The following SLC35F4 variants were observed in gnomAD, a reference collection of about 807,000 sequenced individuals.
The protein encoded by SLC35F4 is chromosome 14 open reading frame 36.
A neutral mutation model predicts 44.2 loss-of-function variants in SLC35F4; 24 were observed. That is an observed-to-expected ratio of 0.54 (90% CI 0.39 to 0.76). SLC35F4 has a LOEUF of 0.76. Ranked by LOEUF, SLC35F4 falls within the 30% of genes least tolerant of loss-of-function variation. SLC35F4 has a pLI of 0.00. For missense variants in SLC35F4, 562 were observed against 586.1 expected, an observed-to-expected ratio of 0.96 and a Z score of 0.42; for synonymous variants, 238 against 223.6, an observed-to-expected ratio of 1.06 and a Z score of -0.57.
chr14:57,696,233 A>G (rs2075380119), intron 1 of SLC35F4, among the ~76,000 whole-genome samples: 1 of 152,220 alleles, frequency 6.6e-6, no homozygotes, highest in African/African-American at 2.4e-5. Flanking sequence ...ACAAATTTAT[A>G]AGAAAAAAAC....
chr14:57,845,211 G>A (rs553133609), intron 1 of SLC35F4, among the ~76,000 whole-genome samples: 1 of 152,170 alleles, frequency 6.6e-6, no homozygotes, highest in Admixed American at 6.5e-5. Context: ...TTGACTGCTT[G>A]TTACTCTCTC....
intron 1 of SLC35F4, among the ~76,000 whole-genome samples, chr14:57,768,672 T>C (rs552044615): frequency 6.6e-6 from 1 of 152,284 alleles, no homozygotes; most frequent in East Asian, 1.9e-4. Flanking sequence ...AAATTATATA[T>C]GGAATGACAG....
intron 1 of SLC35F4, among the ~76,000 whole-genome samples, chr14:57,914,889 C>G (rs942673301): frequency 6.6e-6 from 1 of 152,102 alleles, no homozygotes; most frequent in Non-Finnish European, 1.5e-5. Flanking sequence ...GGCAGCCCTA[C>G]TCCCATGACT....
rs545990854 is a variant in SLC35F4, at chr14:57,577,110, G to A, written c.807+4104C>T. 2.6e-5 allele frequency among the ~76,000 whole-genome samples: 4 copies of A among 152,232 alleles called. No homozygotes were observed. The East Asian group carries it at 7.7e-4, about 29-fold the overall frequency. ...TGCACATGAATAAAGAGGAGCCAAA[G>A]GCAAGATGGAAACAAATTGTCAAGT... On this transcript the variant is annotated intron_variant, in intron 4 of 7. Coordinates refer to ENST00000556826, the MANE Select transcript of SLC35F4 (RefSeq NM_001306087.2).
At chr14:57,706,084 T>C (rs1258103089) in intron 1 of SLC35F4, among the ~76,000 whole-genome samples, 1 of 152,218 alleles carries the variant, frequency 6.6e-6, no homozygotes, top group Non-Finnish European at 1.5e-5. Flanking sequence ...TTCTAGATAA[T>C]TGGATCAATC....
chr14:57,568,992 A>G (rs12100550), intron 6 of SLC35F4, among the ~76,000 whole-genome samples: 40,470 of 152,024 alleles, frequency 0.27, 5,606 homozygotes, highest in Admixed American at 0.36. Context: ...ATCAAGTGAC[A>G]GCAGCACAGC....
chr14:57,765,119 T>C (rs929225353), intron 1 of SLC35F4, among the ~76,000 whole-genome samples: 3 of 152,220 alleles, frequency 2.0e-5, no homozygotes, highest in African/African-American at 7.2e-5. Flanking sequence ...TGATTATAAA[T>C]GGAGCACACA....
chr14:57,849,478 T>A (rs201227264), intron 1 of SLC35F4, among the ~76,000 whole-genome samples: 6 of 149,678 alleles, frequency 4.0e-5, no homozygotes, highest in Non-Finnish European at 8.9e-5. Context: ...AATTTTTTTT[T>A]AAATTTTAAA....
intron 3 of SLC35F4, among the ~76,000 whole-genome samples, chr14:57,586,933 C>T (rs1395341458): frequency 1.1e-5 from 1 of 89,224 alleles, no homozygotes; most frequent in Non-Finnish European, 2.4e-5. Flanking sequence ...CCAGAATCTA[C>T]AAAGAACTTA....
chr14:57,802,541 T>C (rs1411035584), intron 1 of SLC35F4, among the ~76,000 whole-genome samples: 1 of 151,462 alleles, frequency 6.6e-6, no homozygotes, highest in African/African-American at 2.4e-5. Flanking sequence ...GATTCAGTTT[T>C]TGAAAAAAAT....
chr14:57,725,474 C>A (rs1284812000), intron 1 of SLC35F4, among the ~76,000 whole-genome samples: 1 of 152,176 alleles, frequency 6.6e-6, no homozygotes, highest in Non-Finnish European at 1.5e-5. Context: ...TACGGGTTTG[C>A]CTATCCTGCA....
At chr14:57,780,993 G>A (rs1014358610) in intron 1 of SLC35F4, among the ~76,000 whole-genome samples, 25 of 152,110 alleles carry the variant, frequency 1.6e-4, no homozygotes, top group Non-Finnish European at 2.6e-4. Context: ...ATATTATTCC[G>A]GACATAGGAA....
intron 1 of SLC35F4, among the ~76,000 whole-genome samples, chr14:57,658,726 G>A (rs73303887): frequency 0.026 from 3,954 of 152,194 alleles, 163 homozygotes; most frequent in African/African-American, 0.089. Context: ...GACTCAGTAG[G>A]CAATGCTCTA....
Position 57,937,586 on chromosome 14 carries a change from G to GA in SLC35F4, n.282+44326dup, listed in dbSNP as rs1230016323. On this transcript the variant is annotated intron_variant and non_coding_transcript_variant, in intron 1 of 1. Coordinates refer to the SLC35F4 transcript ENST00000556568. ...AAAGAAAAGAAAAGAGAAAAGAAAA[G>GA]AAAGAAAAGAAAAGAAAAGAAAAGA... Among the ~76,000 whole-genome samples, 55 of 114,070 alleles carry GA rather than the reference G, an allele frequency of 4.8e-4. 2 individuals carry two copies. The highest frequency in any genetic ancestry group is 1.5e-3 in the African/African-American group (47 of 31,266). 74.8% of individuals were successfully genotyped at this position (114,070 alleles called of 152,430 possible). A position where few individuals can be genotyped will look rare whatever the true frequency, so the allele number is the denominator to read the frequency against.
At chr14:57,742,711 G>C (rs897270697) in intron 1 of SLC35F4, among the ~76,000 whole-genome samples, 2 of 152,022 alleles carry the variant, frequency 1.3e-5, no homozygotes, top group African/African-American at 4.8e-5. Context: ...TTCAGCTCTG[G>C]ACCAAGCGGA....
intron 1 of SLC35F4, among the ~76,000 whole-genome samples, chr14:57,936,049 G>A (rs181290193): frequency 2.4e-4 from 37 of 152,176 alleles, no homozygotes; most frequent in South Asian, 4.2e-4. Context: ...TTACAGACAC[G>A]CTGAATACAG....
chr14:57,868,181 A>G (rs1888222950), upstream of SLC35F4, among the ~76,000 whole-genome samples: 1 of 152,246 alleles, frequency 6.6e-6, no homozygotes, highest in African/African-American at 2.4e-5. Context: ...TTGAAAAAGT[A>G]AAAATTTTCA....
chr14:57,565,211 T>A (rs771421243), intron 7 of SLC35F4, among the ~76,000 whole-genome samples: 8 of 152,174 alleles, frequency 5.3e-5, no homozygotes, highest in African/African-American at 1.2e-4. Context: ...TGAGGATATT[T>A]TTAATCTCTG....
intron 1 of SLC35F4, among the ~76,000 whole-genome samples, chr14:57,762,660 A>G (rs1594990196): frequency 1.3e-5 from 2 of 152,212 alleles, no homozygotes; most frequent in South Asian, 4.1e-4. Context: ...TGCCATTATC[A>G]TGGGAGTGGT....
Sources: allele counts gnomAD v4.1 joint callset (sites outside exome capture counted in the v4.1 genomes callset), GRCh38; gene constraint gnomAD v4.1.1; transcripts MANE v1.5; gene names NCBI Gene and HGNC (gene_info 2026-07-23, HGNC 2026-07-21).